NLGN1: variants seen among roughly 807,000 people sequenced by gnomAD.
The protein encoded by NLGN1 is neuroligin-1.
In NLGN1, 12 loss-of-function variants were observed where a neutral mutation model predicts 65.5. The observed-to-expected ratio is 0.18, with a 90% CI of 0.12 to 0.30. NLGN1 has a LOEUF of 0.30. Among genes scored for constraint, NLGN1 ranks in the 10% least tolerant of loss-of-function variants. The pLI, the probability that NLGN1 is intolerant of heterozygous loss-of-function variation, is 1.00. For synonymous variants in NLGN1, 350 were observed against 359.5 expected (o/e 0.97, Z 0.30); for missense variants, 750 against 1,007.1 (o/e 0.74, Z 3.46).
chr3:173,723,655 T>C (rs1771247470), intron 3 of NLGN1, among the ~76,000 whole-genome samples: 1 of 152,210 alleles, frequency 6.6e-6, no homozygotes, highest in Non-Finnish European at 1.5e-5. Flanking sequence ...TTTTTAATTT[T>C]CTATATAAAA....
intron 4 of NLGN1, among the ~76,000 whole-genome samples, chr3:174,241,684 C>T (rs1441178114): frequency 6.6e-6 from 1 of 150,438 alleles, no homozygotes; most frequent in Non-Finnish European, 1.5e-5. Flanking sequence ...GACGGAGTCT[C>T]GTTCTGTCCC....
intron 1 of NLGN1, among the ~76,000 whole-genome samples, chr3:173,413,517 T>G (rs499101): frequency 6.6e-6 from 1 of 151,892 alleles, no homozygotes; most frequent in African/African-American, 2.4e-5. Context: ...GAAGAATCGC[T>G]TGAACCCAGG....
chr3:173,482,980 G>A (rs568812243), intron 2 of NLGN1, among the ~76,000 whole-genome samples: 9 of 151,894 alleles, frequency 5.9e-5, no homozygotes, highest in African/African-American at 1.7e-4. Context: ...TATAGATCTC[G>A]TAATCAGTGG....
At chr3:173,995,641 T>G (rs997699905) in intron 4 of NLGN1, among the ~76,000 whole-genome samples, 7 of 112,498 alleles carry the variant, frequency 6.2e-5, no homozygotes, top group South Asian at 2.8e-4. Context: ...ACTTTTTTTG[T>G]TTTTTTTTTC....
At chr3:174,242,203 A>AT (rs1166799263) in intron 4 of NLGN1, among the ~76,000 whole-genome samples, 5 of 152,052 alleles carry the variant, frequency 3.3e-5, no homozygotes, top group African/African-American at 4.8e-5. Flanking sequence ...ACAGTTGTAA[A>AT]TTGTTTAGAC....
intron 3 of NLGN1, among the ~76,000 whole-genome samples, chr3:173,689,021 T>G (rs1261684794): frequency 6.6e-6 from 1 of 152,188 alleles, no homozygotes; most frequent in Non-Finnish European, 1.5e-5. Context: ...CTGCCGCTAA[T>G]GTCATTTATG....
At chr3:173,637,120 A>G (rs114378036) in intron 3 of NLGN1, among the ~76,000 whole-genome samples, 2,716 of 152,278 alleles carry the variant, frequency 0.018, 38 homozygotes, top group Non-Finnish European at 0.029. Flanking sequence ...GTGATGTGGA[A>G]CATTCTTTAT....
chr3:173,656,532 AT>A (rs150014246), intron 3 of NLGN1, among the ~76,000 whole-genome samples: 16,882 of 152,112 alleles, frequency 0.11, 975 homozygotes, highest in Middle Eastern at 0.27. Context: ...GTTTTGGATT[AT>A]TTTATTCATT....
At chr3:174,281,873 T>G (rs1751581008) in exon 7 of NLGN1, 1 of 152,402 alleles carries the variant, frequency 6.6e-6, no homozygotes, top group African/African-American at 2.4e-5. Flanking sequence ...GTGCTGTCAG[T>G]ATAAAGTTGT....
chr3:173,811,709 A>G (rs1020197943), intron 4 of NLGN1, among the ~76,000 whole-genome samples: 6 of 152,122 alleles, frequency 3.9e-5, no homozygotes, highest in Non-Finnish European at 7.4e-5. Flanking sequence ...GACAAGAATT[A>G]TAGAATATAT....
At chr3:173,791,040 G>C (rs1018844222) in intron 3 of NLGN1, among the ~76,000 whole-genome samples, 16 of 152,282 alleles carry the variant, frequency 1.1e-4, no homozygotes, top group Admixed American at 7.2e-4. Context: ...AAATATCTTT[G>C]AGAATAATTC....
chr3:173,701,205 C>T (rs1373857535), intron 3 of NLGN1, among the ~76,000 whole-genome samples: 4 of 152,150 alleles, frequency 2.6e-5, no homozygotes, highest in African/African-American at 4.8e-5. Flanking sequence ...TAATGTTCCC[C>T]TCACCATCCA....
chr3:173,601,803 A>T, intron 2 of NLGN1, among the ~76,000 whole-genome samples: 1 of 152,126 alleles, frequency 6.6e-6, no homozygotes, highest in Admixed American at 6.6e-5. Context: ...TAAAATATGT[A>T]TAAAAATATA....
At chr3:174,163,061 A>G (rs1726851120) in intron 4 of NLGN1, among the ~76,000 whole-genome samples, 1 of 151,970 alleles carries the variant, frequency 6.6e-6, no homozygotes, top group African/African-American at 2.4e-5. Flanking sequence ...TGGAGAACAG[A>G]TGAAATTAAG....
chr3:173,920,646 ACT>A (rs1283692784), intron 4 of NLGN1: 3 of 152,036 alleles, frequency 2.0e-5, no homozygotes, highest in Non-Finnish European at 2.9e-5. Flanking sequence ...AGCTCATAAC[ACT>A]CTATTTAAGG....
intron 4 of NLGN1, among the ~76,000 whole-genome samples, chr3:174,155,554 T>G (rs1316590556): frequency 6.6e-6 from 1 of 151,970 alleles, no homozygotes; most frequent in Non-Finnish European, 1.5e-5. Context: ...GTTTTTCAGG[T>G]TTCAATGTTC....
chr3:173,782,469 G>A (rs4377507), intron 3 of NLGN1, among the ~76,000 whole-genome samples: 125,327 of 152,194 alleles, frequency 0.82, 52,349 homozygotes, highest in Non-Finnish European at 0.87. Context: ...TGAACTGATA[G>A]TATGCTAGTT....
chr3:174,018,140 A>G (rs961012876), intron 4 of NLGN1, among the ~76,000 whole-genome samples: 9 of 152,136 alleles, frequency 5.9e-5, no homozygotes, highest in African/African-American at 2.2e-4. Context: ...TTTGCTTTTG[A>G]AAGAAAAGAA....
intron 4 of NLGN1, among the ~76,000 whole-genome samples, chr3:174,256,167 G>A (rs1745715890): frequency 6.6e-6 from 1 of 152,198 alleles, no homozygotes; most frequent in Middle Eastern, 3.4e-3. Flanking sequence ...ATTATTTCAT[G>A]AAATATTTAT....
Sources: gnomAD v4.1 joint callset for allele counts (sites outside exome capture counted in the v4.1 genomes callset) on GRCh38, gnomAD v4.1.1 for gene constraint, MANE v1.5 for transcripts, NCBI Gene and HGNC (gene_info 2026-07-23, HGNC 2026-07-21) for gene names.